SLC24A4: variants seen among roughly 807,000 people sequenced by gnomAD.
SLC24A4 encodes sodium/potassium/calcium exchanger 4.
SLC24A4 carries 53 observed loss-of-function variants against 79.0 expected under a neutral mutation model. The ratio of observed to expected loss-of-function variants is 0.67; its 90% CI spans 0.54 to 0.84. The LOEUF is 0.84. Ranked by LOEUF, SLC24A4 falls within the 40% of genes least tolerant of loss-of-function variation. The pLI, the probability that SLC24A4 is intolerant of heterozygous loss-of-function variation, is 0.00. For synonymous variants in SLC24A4, 323 were observed against 323.8 expected (o/e 1.00, Z 0.03); for missense variants, 731 against 822.0 (o/e 0.89, Z 1.35).
chr14:92,484,757 C>G (rs1461077065), intron 13 of SLC24A4: 1 of 985,316 alleles, frequency 1.0e-6, no homozygotes, highest in African/African-American at 1.7e-5. Flanking sequence ...TCACACCCTA[C>G]TCCCAGCCCA....
intron 2 of SLC24A4, among the ~76,000 whole-genome samples, chr14:92,425,206 C>G (rs2139768152): frequency 6.6e-6 from 1 of 152,332 alleles, no homozygotes; most frequent in East Asian, 1.9e-4. Flanking sequence ...ACCAACCCTG[C>G]AGGCACTTTG....
In SLC24A4 at chr14:92,454,061, A is replaced by G. The variant is rs755560508; in HGVS notation, c.1042A>G (p.Ile348Val). The change falls in exon 11 of 17, where the codon ATT (isoleucine) becomes GTT (valine). Residue 348 changes from isoleucine to valine, a missense_variant. Physicochemically the swap from Ile to Val is conservative, Grantham distance 29 (BLOSUM62 3). Transcript: ENST00000532405. ...ACTACGGATGGCCAGCAGGATCATC[A>G]TTAATGAGGTGAGTTTGCTTGAAGG... is the stretch of plus-strand genomic sequence containing the variant. ...TRLRMASRIIINERQRLINSA... is the reference protein window; with the variant it reads ...TRLRMASRIIVNERQRLINSA... The G allele has an allele frequency of 2.5e-6, 4 of 1,612,648 alleles. No homozygotes were observed. The highest frequency in any genetic ancestry group is 1.6e-4 in the Middle Eastern group (1 of 6,082).
intron 12 of SLC24A4, chr14:92,462,205 T>C (rs2139866515): frequency 6.6e-6 from 1 of 152,322 alleles, no homozygotes; most frequent in Middle Eastern, 3.4e-3. Context: ...AGAGCTGTCA[T>C]GAAGCCAGCA....
chr14:92,432,241 C>G (rs1044333879), intron 2 of SLC24A4, among the ~76,000 whole-genome samples: 1 of 152,186 alleles, frequency 6.6e-6, no homozygotes, highest in Non-Finnish European at 1.5e-5. Context: ...CTGTTCCTAC[C>G]AAGGGCAAAG....
In SLC24A4 at chr14:92,379,209, G is replaced by A. The variant is rs572825780; in HGVS notation, c.241+53231G>A. ...ATCTCTCTGGTTTAGTGAGAGGTGGGGGATGACCTGGAAATCGATCTTGAG... is the reference window on the plus strand; with the variant it reads ...ATCTCTCTGGTTTAGTGAGAGGTGGAGGATGACCTGGAAATCGATCTTGAG... On this transcript the variant is annotated intron_variant, in intron 2 of 16. Transcript: ENST00000532405. 2.6e-5 allele frequency among the ~76,000 whole-genome samples: 4 copies of A among 152,302 alleles called. No homozygotes were observed. In the South Asian group the frequency reaches 8.3e-4, roughly 32 times the overall value.
chr14:92,329,140 G>T (rs946891535), intron 2 of SLC24A4, among the ~76,000 whole-genome samples: 1 of 152,188 alleles, frequency 6.6e-6, no homozygotes, highest in Non-Finnish European at 1.5e-5. Context: ...GAATTAGAGG[G>T]TGCCTTGTCC....
At position 92,492,203 on chromosome 14, in the gene SLC24A4, A is replaced by G. The variant is rs770666640; in HGVS notation, c.1679A>G (p.Tyr560Cys). The G allele has an allele frequency of 1.1e-5, 18 of 1,614,026 alleles. No individual in the cohort carries two copies. The highest frequency in any genetic ancestry group is 5.5e-5 in the South Asian group (5 of 91,088). ...AAGATCAACAGCCGGGGGCTGGTCT[A>G]TTCCGTGGTCCTGTTGCTGGGCTCT... ...TVKINSRGLV[Y>C]SVVLLLGSVA... The change falls in exon 16 of 17, where the codon TAT becomes TGT. Residue 560 changes from tyrosine to cysteine, a missense_variant. Physicochemically the swap from Tyr to Cys is radical, Grantham distance 194 (BLOSUM62 -2). Transcript: ENST00000532405.
intron 2 of SLC24A4, among the ~76,000 whole-genome samples, chr14:92,356,148 A>T (rs976105369): frequency 4.6e-5 from 7 of 152,200 alleles, no homozygotes; most frequent in Admixed American, 3.3e-4. Context: ...TTGTCCAATC[A>T]TAGGGTAGTG....
chr14:92,367,431 G>A (rs5024254), intron 2 of SLC24A4, among the ~76,000 whole-genome samples: 118,967 of 151,972 alleles, frequency 0.78, 49,456 homozygotes, highest in East Asian at 0.95. Flanking sequence ...GCTTGTTCCA[G>A]CTCACATATG....
intron 2 of SLC24A4, among the ~76,000 whole-genome samples, chr14:92,374,305 C>A (rs1404050606): frequency 6.6e-6 from 1 of 152,190 alleles, no homozygotes; most frequent in South Asian, 2.1e-4. Flanking sequence ...TTCGAGAAGA[C>A]CAAGGCTCAG....
intron 13 of SLC24A4, chr14:92,483,863 G>T (rs1895210860): frequency 7.8e-7 from 1 of 1,289,510 alleles, no homozygotes; most frequent in African/African-American, 1.5e-5. Context: ...CAGCAGCAGA[G>T]AAGGCAAGCG....
At chr14:92,337,870 A>G (rs1039574157) in intron 2 of SLC24A4, among the ~76,000 whole-genome samples, 5 of 152,146 alleles carry the variant, frequency 3.3e-5, no homozygotes, top group African/African-American at 1.2e-4. Flanking sequence ...TGCAGCTGCA[A>G]TTACCTCTTA....
At chr14:92,493,062 T>C (rs1895785761) in intron 16 of SLC24A4, 1 of 375,154 alleles carries the variant, frequency 2.7e-6, no homozygotes, top group African/African-American at 2.2e-5. Context: ...GCCTTGGAAA[T>C]TGTGCTAAGG....
In SLC24A4 at chr14:92,433,913, G is replaced by A. The variant is rs77425477; in HGVS notation, c.243G>A (p.Ala81=). ...TQTAKNCTDP[A]IHEFPTDLFS... ...CTGCCATCTCTTCCTGTCTTCCAGCGATTCACGAGTTCCCCACAGATCTGT... is the reference window on the plus strand; with the variant it reads ...CTGCCATCTCTTCCTGTCTTCCAGCAATTCACGAGTTCCCCACAGATCTGT... Residue 81 remains alanine (A), a splice_region_variant and synonymous_variant, in exon 3 of 17, where the codon GCG becomes GCA. Transcript: ENST00000532405. The A allele has an allele frequency of 2.9e-3, 4,618 of 1,613,928 alleles. 104 individuals carry two copies. In the African/African-American group the frequency reaches 0.051, roughly 18 times the overall value.
intron 12 of SLC24A4, among the ~76,000 whole-genome samples, chr14:92,465,491 G>T (rs980974594): frequency 6.6e-6 from 1 of 152,196 alleles, no homozygotes; most frequent in Non-Finnish European, 1.5e-5. Context: ...AGAGCTTCAG[G>T]GTGGGGGCTG....
Position 92,486,682 on chromosome 14 carries a change from A to C in SLC24A4, c.1439A>C (p.Tyr480Ser), listed in dbSNP as rs1895379076. ...IMVWLVTIIG[Y>S]TLGIPDVIMG... The stretch of plus-strand genomic sequence containing the variant: ...ATTCTGCAGGTGACTATTATCGGAT[A>C]CACACTTGGGATCCCGGATGTCATC... Residue 480 changes from tyrosine (Y) to serine (S), a missense_variant, in exon 14 of 17, where the codon TAC becomes TCC. Transcript: ENST00000532405. 4 of 1,613,574 alleles carry C rather than the reference A, an allele frequency of 2.5e-6. No individual in the cohort carries two copies. In the South Asian group the frequency reaches 4.4e-5, roughly 18 times the overall value.
intron 12 of SLC24A4, among the ~76,000 whole-genome samples, chr14:92,475,219 G>T (rs57717199): frequency 0.019 from 2,877 of 152,226 alleles, 89 homozygotes; most frequent in African/African-American, 0.065. Context: ...CAGGTCAGAT[G>T]CCAGACCTTT....
At chr14:92,451,472 G>A (rs1893133970) in intron 10 of SLC24A4, 1 of 152,230 alleles carries the variant, frequency 6.6e-6, no homozygotes, top group Admixed American at 6.5e-5. Flanking sequence ...GATGACATTG[G>A]GGTTTCTTTC....
At chr14:92,443,593 G>T in intron 7 of SLC24A4, 119 bp downstream of exon 7, 4 of 1,000,322 alleles carry the variant, frequency 4.0e-6, no homozygotes, top group South Asian at 1.4e-5. Context: ...CACAATAGTG[G>T]GGTGTGCCAG....
Sources: allele counts gnomAD v4.1 joint callset (sites outside exome capture counted in the v4.1 genomes callset), GRCh38; gene constraint gnomAD v4.1.1; transcripts MANE v1.5; gene names NCBI Gene and HGNC (gene_info 2026-07-23, HGNC 2026-07-21).